CCDC167: variants seen among roughly 807,000 people sequenced by gnomAD.
CCDC167 encodes the protein coiled-coil domain containing 167.
CCDC167 carries 15 observed loss-of-function variants against 12.7 expected under a neutral mutation model. That is an observed-to-expected ratio of 1.18 (90% CI 0.79 to 1.81). CCDC167 has a LOEUF of 1.81. CCDC167 is among the 40% of genes most tolerant of loss of function. CCDC167 has a pLI of 0.00. For synonymous variants in CCDC167, 52 were observed against 49.0 expected (o/e 1.06, Z -0.26); for missense variants, 121 against 120.1 (o/e 1.01, Z -0.03).
chr6:37,487,390 A>G (rs1761957227), intron 1 of CCDC167, among the ~76,000 whole-genome samples: 2 of 152,256 alleles, frequency 1.3e-5, no homozygotes, highest in African/African-American at 4.8e-5. Flanking sequence ...GGGCAAGGAC[A>G]GACGGTTTAG....
rs922666822 is a variant in CCDC167 at position 37,499,411 on chromosome 6, C to T, written c.42+411G>A. ...AATAATATACACCAGAATGGGCTCC[C>T]TCATCTTTGAGTCCTAGCCCTTTGG... On this transcript the variant is annotated intron_variant, in intron 1 of 3. Transcript: ENST00000373408. Among the ~76,000 whole-genome samples the T allele has an allele frequency of 4.6e-5, 7 of 152,168 alleles. No individual in the cohort carries two copies. The South Asian group carries it at 1.5e-3, about 32-fold the overall frequency.
rs145428766 is a variant in CCDC167 at position 37,492,057 on chromosome 6, C to T, written c.43-6863G>A. Among the ~76,000 whole-genome samples, 656 of 152,316 alleles carry T rather than the reference C, an allele frequency of 4.3e-3. 6 individuals carry two copies. The highest frequency in any genetic ancestry group is 0.014 in the African/African-American group (579 of 41,568). On this transcript the variant is annotated intron_variant, in intron 1 of 3. Coordinates refer to ENST00000373408, the MANE Select transcript of CCDC167 (RefSeq NM_138493.3). ...GTGGGCAGCTTCCTGTGTCTGCAACCGCCCTGCAAGGAAGGGCCCATCTCC... is the reference window on the plus strand; with the variant it reads ...GTGGGCAGCTTCCTGTGTCTGCAACTGCCCTGCAAGGAAGGGCCCATCTCC...
chr6:37,485,296 C>T (rs1033288157), intron 1 of CCDC167, 102 bp from the exon 2 acceptor site: 11 of 873,950 alleles, frequency 1.3e-5, no homozygotes, highest in East Asian at 2.5e-5. Context: ...GACAGGTGTT[C>T]CCCCCATTCG....
intron 1 of CCDC167, 77 bp downstream of exon 1, chr6:37,499,745 T>C (rs1418122981): frequency 6.7e-7 from 1 of 1,497,134 alleles, no homozygotes; most frequent in Non-Finnish European, 9.3e-7. Context: ...CTCCTATCTA[T>C]AGCCCAGCCT....
rs769608195 is a variant in CCDC167 at position 37,482,981 on chromosome 6, G to C, written c.*205C>G. The C allele has an allele frequency of 7.5e-5, 48 of 639,516 alleles. No individual in the cohort carries two copies. Among genetic ancestry groups the C allele is most frequent in the Middle Eastern group, 4.0e-4 (1 of 2,512 alleles). The allele number at this position is 639,516 out of a possible 1,614,324, so 39.6% of individuals were successfully genotyped here. A position where few individuals can be genotyped will look rare whatever the true frequency, so the allele number is the denominator to read the frequency against. On this transcript the variant is annotated 3_prime_UTR_variant, in exon 4 of 4. Coordinates refer to ENST00000373408, the MANE Select transcript of CCDC167 (RefSeq NM_138493.3). ...TTGCCTCTCCCTTGGGCTAAGGGAGGGACCAGCACCATGTCCTTCTGGAGA... is the reference window on the plus strand; with the variant it reads ...TTGCCTCTCCCTTGGGCTAAGGGAGCGACCAGCACCATGTCCTTCTGGAGA...
intron 3 of CCDC167, 57 bp from the exon 4 acceptor site, chr6:37,483,346 C>T: frequency 8.5e-7 from 1 of 1,181,810 alleles, no homozygotes; most frequent in South Asian, 1.2e-5. Context: ...GTCTGTTCTG[C>T]TCTGCCTCTC....
intron 1 of CCDC167, among the ~76,000 whole-genome samples, chr6:37,494,259 C>T (rs1192449767): frequency 1.3e-5 from 2 of 152,004 alleles, no homozygotes; most frequent in Non-Finnish European, 2.9e-5. Flanking sequence ...GATGGGGTTT[C>T]TCCACGTTGG....
At chr6:37,487,021 G>A (rs1005826590) in intron 1 of CCDC167, among the ~76,000 whole-genome samples, 1 of 152,160 alleles carries the variant, frequency 6.6e-6, no homozygotes, top group African/African-American at 2.4e-5. Flanking sequence ...GGGGTTGGGG[G>A]GCAGGGGACG....
At chr6:37,498,643 C>T (rs1057320734) in intron 1 of CCDC167, among the ~76,000 whole-genome samples, 13 of 151,964 alleles carry the variant, frequency 8.6e-5, no homozygotes, top group African/African-American at 3.1e-4. Context: ...CTGGCCAACA[C>T]GGTGAAACCC....
chr6:37,489,315 C>G (rs1761985606), intron 1 of CCDC167, among the ~76,000 whole-genome samples: 1 of 151,990 alleles, frequency 6.6e-6, no homozygotes, highest in African/African-American at 2.4e-5. Context: ...ACTGGCAGTG[C>G]AGGGAGGAGG....
chr6:37,494,566 C>G (rs1292120411), intron 1 of CCDC167, among the ~76,000 whole-genome samples: 1 of 152,200 alleles, frequency 6.6e-6, no homozygotes, highest in Non-Finnish European at 1.5e-5. Flanking sequence ...GCTCATGACC[C>G]AGTTCTGGCC....
intron 1 of CCDC167, 42 bp from the exon 2 acceptor site, chr6:37,485,236 A>G: frequency 2.7e-6 from 4 of 1,481,228 alleles, no homozygotes; most frequent in Non-Finnish European, 3.8e-6. Flanking sequence ...CGAGGCTTCT[A>G]GCTCTCAAAA....
intron 1 of CCDC167, among the ~76,000 whole-genome samples, chr6:37,498,034 C>T (rs1762119409): frequency 2.0e-5 from 3 of 152,162 alleles, no homozygotes. Context: ...GCGAGCGACT[C>T]AATTTTTTTC....
At chr6:37,493,094 TCAGGAAGAG>T (rs1762044700) in intron 1 of CCDC167, among the ~76,000 whole-genome samples, 1 of 152,200 alleles carries the variant, frequency 6.6e-6, no homozygotes, top group Non-Finnish European at 1.5e-5. Flanking sequence ...TGAACAATTT[TCAGGAAGAG>T]CAGGGAGAGC....
At chr6:37,495,221 T>A (rs1762084508) in intron 1 of CCDC167, among the ~76,000 whole-genome samples, 1 of 152,170 alleles carries the variant, frequency 6.6e-6, no homozygotes, top group South Asian at 2.1e-4. Context: ...AGGGGTCAGA[T>A]CCAACCAAGT....
intron 1 of CCDC167, among the ~76,000 whole-genome samples, chr6:37,497,512 A>G (rs1194521705): frequency 5.5e-5 from 7 of 128,164 alleles, no homozygotes; most frequent in Non-Finnish European, 7.9e-5. Flanking sequence ...GGAATGCCAG[A>G]CAGCACTTCA....
intron 1 of CCDC167, among the ~76,000 whole-genome samples, chr6:37,494,241 T>C (rs573484693): frequency 1.3e-5 from 2 of 151,984 alleles, no homozygotes; most frequent in Admixed American, 1.3e-4. Flanking sequence ...AATTTTGTAT[T>C]TTTAGTAGAT....
At chr6:37,484,980 T>C in intron 2 of CCDC167, 118 bp from the exon 3 acceptor site, 4 of 1,440,470 alleles carry the variant, frequency 2.8e-6, no homozygotes, top group South Asian at 1.1e-5. Context: ...GGGTGTGCAC[T>C]GAAGCTAAGA....
At chr6:37,485,601 C>T (rs372434151) in intron 1 of CCDC167, among the ~76,000 whole-genome samples, 24 of 152,226 alleles carry the variant, frequency 1.6e-4, no homozygotes, top group African/African-American at 5.1e-4. Flanking sequence ...GCCCCACGGG[C>T]GTATCCTAGA....
Sources: gnomAD v4.1 joint callset for allele counts (sites outside exome capture counted in the v4.1 genomes callset) on GRCh38, gnomAD v4.1.1 for gene constraint, MANE v1.5 for transcripts, NCBI Gene and HGNC (gene_info 2026-07-23, HGNC 2026-07-21) for gene names.